Variants in LRCH2 observed in about 807,000 individuals in gnomAD.
The protein encoded by LRCH2 is leucine rich repeats and calponin homology domain containing 2.
A neutral mutation model predicts 68.9 loss-of-function variants in LRCH2; 38 were observed. The ratio of observed to expected loss-of-function variants is 0.55; its 90% CI spans 0.43 to 0.72. LRCH2 has a LOEUF of 0.72. LRCH2 is among the 30% of genes least tolerant of loss of function. The pLI, the probability that LRCH2 is intolerant of heterozygous loss-of-function variation, is 0.00. For synonymous variants in LRCH2, 191 were observed against 208.1 expected (o/e 0.92, Z 0.71); for missense variants, 528 against 572.9 (o/e 0.92, Z 0.80).
At chrX:115,173,498 CTACTT>C (rs1556548432) in intron 5 of LRCH2, among the ~76,000 whole-genome samples, 2 of 111,684 alleles carry the variant, frequency 1.8e-5, no homozygotes, top group African/African-American at 6.5e-5. Flanking sequence ...TCCTTTGTAC[CTACTT>C]TAAACTATTA....
chrX:115,150,155 T>C, intron 12 of LRCH2, 85 bp from the exon 13 acceptor site: 1 of 740,678 alleles, frequency 1.4e-6, no homozygotes, highest in Non-Finnish European at 1.9e-6. Flanking sequence ...TGTTATCTTT[T>C]TAAAAACATT....
At chrX:115,200,042 T>C (rs1002650651) in intron 1 of LRCH2, among the ~76,000 whole-genome samples, 12 of 111,801 alleles carry the variant, frequency 1.1e-4, no homozygotes, top group African/African-American at 3.9e-4. Context: ...TGAACAATCA[T>C]TGGATCAAAG....
chrX:115,168,782 A>C (rs2072583981), intron 6 of LRCH2, among the ~76,000 whole-genome samples: 1 of 111,107 alleles, frequency 9.0e-6, no homozygotes, highest in African/African-American at 3.3e-5. Flanking sequence ...CTATTCTCCT[A>C]TAAGCCAAAA....
Position 115,123,060 on chromosome X carries a change from GA to G in LRCH2, c.1962+19del, listed in dbSNP as rs782277264. 12 of 1,187,634 alleles carry G rather than the reference GA, an allele frequency of 1.0e-5. No homozygotes were observed. The highest frequency in any genetic ancestry group is 1.4e-5 in the Non-Finnish European group (12 of 877,932). ...AAACCCATTTCCACAAAGCAGATCT[GA>G]AAGAGCAATCTGACTTACGTTGCGA... On this transcript the variant is annotated intron_variant, in intron 18 of 20. Transcript: ENST00000317135.
At chrX:115,180,642 A>G (rs968252247) in intron 3 of LRCH2, among the ~76,000 whole-genome samples, 9 of 111,670 alleles carry the variant, frequency 8.1e-5, no homozygotes, top group African/African-American at 2.6e-4. Flanking sequence ...AGTGAAAATG[A>G]TAATAGCTTG....
At chrX:115,173,493 TG>T (rs2072621025) in intron 5 of LRCH2, among the ~76,000 whole-genome samples, 1 of 112,024 alleles carries the variant, frequency 8.9e-6, no homozygotes, top group Non-Finnish European at 1.9e-5. Context: ...TACATTCCTT[TG>T]TACCTACTTT....
chrX:115,155,077 GAA>G (rs1286785547), intron 12 of LRCH2, among the ~76,000 whole-genome samples: 1 of 98,457 alleles, frequency 1.0e-5, no homozygotes, highest in Non-Finnish European at 2.0e-5. Flanking sequence ...GAGAGAGAGA[GAA>G]AGAGAAAGAG....
rs782032688 is a variant in LRCH2, at chrX:115,233,726, T to C, written c.316A>G (p.Ser106Gly). The change falls in exon 1 of 21, where the codon AGC becomes GGC. Residue 106 changes from serine to glycine, a missense_variant. Ser to Gly is a moderately conservative substitution (Grantham distance 56, BLOSUM62 0). Coordinates refer to ENST00000317135, the MANE Select transcript of LRCH2 (RefSeq NM_020871.4). ...SGRKLRDFPGSGYDLTDTTQA... is the reference protein window; with the variant it reads ...SGRKLRDFPGGGYDLTDTTQA... ...GTGGTGTCCGTCAGGTCGTAGCCGC[T>C]GCCCGGGAAGTCTCGGAGTTTCCGA... 1.7e-6 allele frequency: 2 copies of C among 1,178,347 alleles called. No individual in the cohort carries two copies. The highest frequency in any genetic ancestry group is 3.8e-5 in the South Asian group (2 of 52,674).
intron 11 of LRCH2, among the ~76,000 whole-genome samples, chrX:115,157,718 T>C (rs186113469): frequency 3.3e-4 from 36 of 110,026 alleles, no homozygotes; most frequent in Middle Eastern, 4.6e-3. Flanking sequence ...TAATGAAATA[T>C]CTAAAACTAT....
rs782020515 is a variant in LRCH2, at chrX:115,149,792, T to C, written c.1695+35A>G. On this transcript the variant is annotated intron_variant, in intron 14 of 20. Transcript: ENST00000317135. ...AAACTGACAAAATAAAAACTAATAA[T>C]TACAAAGTAAATTTAAAAACTTAAT... 44 of 926,498 alleles carry C rather than the reference T, an allele frequency of 4.7e-5. 1 individual carries two copies. The Admixed American group carries it at 1.3e-3, about 28-fold the overall frequency. 76.4% of individuals were successfully genotyped at this position (926,498 alleles called of 1,213,427 possible).
chrX:115,141,867 C>A (rs2072342147), intron 14 of LRCH2, among the ~76,000 whole-genome samples: 1 of 95,465 alleles, frequency 1.0e-5, no homozygotes. Context: ...GAGGAAGACT[C>A]CACCAAAAAA....
chrX:115,169,485 T>G (rs2072589342), intron 6 of LRCH2, among the ~76,000 whole-genome samples: 1 of 111,825 alleles, frequency 8.9e-6, no homozygotes, highest in Non-Finnish European at 1.9e-5. Context: ...ATCTAATGTT[T>G]AGATACTTAA....
rs1569514108 is a variant in LRCH2 at position 115,163,681 on chromosome X, C to T, written c.1458G>A (p.Lys486=). ...IAAQLLQQEQ[K]NRILNHSTSV... is the part of the protein sequence containing the mutation. ...CTCATTACTGAAAGGAATACCTGTT[C>T]TTCTGTTCTTGCTGCAATAACTGAG... The change falls in exon 11 of 21, where the codon AAG becomes AAA. Residue 486 remains lysine (K), a synonymous_variant. Transcript: ENST00000317135. 8.5e-7 allele frequency: 1 copy of T among 1,181,818 alleles called. No individual in the cohort carries two copies. The highest frequency in any genetic ancestry group is 3.0e-5 in the East Asian group (1 of 33,349).
chrX:115,118,171 A>G (rs1385735540), intron 20 of LRCH2, among the ~76,000 whole-genome samples: 1 of 109,610 alleles, frequency 9.1e-6, no homozygotes, highest in East Asian at 2.9e-4. Context: ...ACACAGTCAG[A>G]CTCCATCTCT....
chrX:115,192,222 C>A, intron 1 of LRCH2: 1 of 1,158,973 alleles, frequency 8.6e-7, no homozygotes, highest in Non-Finnish European at 1.1e-6. Context: ...ACGGCGGGGG[C>A]CGCGGCCTCA....
chrX:115,141,758 C>T (rs1556534339), intron 14 of LRCH2, among the ~76,000 whole-genome samples: 1 of 107,662 alleles, frequency 9.3e-6, no homozygotes. Context: ...CCTGTAGTCC[C>T]AGCTACTCAG....
At position 115,189,727 on chromosome X, in the gene LRCH2, C is replaced by A. The variant is rs1556556322; in HGVS notation, c.350-1357G>T. 3 of 1,166,773 alleles carry A rather than the reference C, an allele frequency of 2.6e-6. No homozygotes were observed. In the African/African-American group the frequency reaches 5.3e-5, roughly 21 times the overall value. ...GGCATTCAAGAGCAGCCGATGGGTC[C>A]CGCCAACCCCCGGCAGCGGCAGTCG... On this transcript the variant is annotated intron_variant, in intron 1 of 20. Coordinates refer to ENST00000317135, the MANE Select transcript of LRCH2 (RefSeq NM_020871.4).
chrX:115,118,177 T>C (rs1459251546), intron 20 of LRCH2, among the ~76,000 whole-genome samples: 1 of 109,368 alleles, frequency 9.1e-6, no homozygotes, highest in Admixed American at 9.9e-5. Flanking sequence ...TCAGACTCCA[T>C]CTCTAAAAAA....
At chrX:115,233,356 G>A (rs1179680857) in intron 1 of LRCH2, among the ~76,000 whole-genome samples, 2 of 111,830 alleles carry the variant, frequency 1.8e-5, no homozygotes, top group Non-Finnish European at 3.8e-5. Flanking sequence ...TGGTTTTCCG[G>A]GAAAGACGGG....
Sources: gnomAD v4.1 joint callset for allele counts (sites outside exome capture counted in the v4.1 genomes callset) on GRCh38, gnomAD v4.1.1 for gene constraint, MANE v1.5 for transcripts, NCBI Gene and HGNC (gene_info 2026-07-23, HGNC 2026-07-21) for gene names.